The following WDR12 variants were observed in gnomAD, a reference collection of about 807,000 sequenced individuals.
WDR12 encodes the protein ribosome biogenesis protein WDR12.
WDR12 carries 42 observed loss-of-function variants against 64.3 expected under a neutral mutation model. The observed-to-expected ratio is 0.65, with a 90% CI of 0.51 to 0.84. WDR12 has a LOEUF of 0.84. Among genes scored for constraint, WDR12 ranks in the 40% least tolerant of loss-of-function variants. The pLI is 0.00. For synonymous variants in WDR12, 158 were observed against 173.3 expected, an observed-to-expected ratio of 0.91 and a Z score of 0.70; for missense variants, 469 against 494.6, an observed-to-expected ratio of 0.95 and a Z score of 0.49.
intron 6 of WDR12, 188 bp from the exon 7 acceptor site, chr2:202,894,814 A>T: frequency 2.1e-6 from 1 of 474,592 alleles, no homozygotes; most frequent in Non-Finnish European, 3.8e-6. Context: ...GGCCAAGCTT[A>T]TTGCCATGTC....
Position 202,907,997 on chromosome 2 carries a change from A to G in WDR12, c.42-38T>C, listed in dbSNP as rs148100538. ...AATGATATGTCAAGATCAAGTCTAC[A>G]GATATTTGAACAAACATGCTTTTAC... On this transcript the variant is annotated intron_variant, in intron 1 of 12. Transcript: ENST00000261015. 2.3e-4 allele frequency: 354 copies of G among 1,563,240 alleles called. No individual in the cohort carries two copies. The African/African-American group carries it at 4.5e-3, about 20-fold the overall frequency.
At chr2:202,890,399 G>C (rs1421009703) in intron 8 of WDR12, among the ~76,000 whole-genome samples, 2 of 152,232 alleles carry the variant, frequency 1.3e-5, no homozygotes, top group East Asian at 1.9e-4. Context: ...AGGCAGGCTA[G>C]AGGCAGACAT....
intron 2 of WDR12, among the ~76,000 whole-genome samples, chr2:202,905,547 C>T (rs1688441506): frequency 6.6e-6 from 1 of 152,312 alleles, no homozygotes; most frequent in African/African-American, 2.4e-5. Context: ...AGTACAACTA[C>T]TATGGAGAAC....
chr2:202,899,503 A>C (rs1688312596), intron 4 of WDR12, 28 bp downstream of exon 4: 1 of 1,593,646 alleles, frequency 6.3e-7, no homozygotes, highest in East Asian at 2.2e-5. Context: ...AAAACAAAAA[A>C]AAGAGAAGGG....
chr2:202,897,888 C>CA (rs10637220), intron 4 of WDR12, among the ~76,000 whole-genome samples: 35 of 74,182 alleles, frequency 4.7e-4, no homozygotes, highest in African/African-American at 1.7e-3. Context: ...GACTCCGTTT[C>CA]AAAAAAAAAA....
At chr2:202,899,312 G>T (rs925980758) in intron 4 of WDR12, among the ~76,000 whole-genome samples, 1 of 151,996 alleles carries the variant, frequency 6.6e-6, no homozygotes, top group Non-Finnish European at 1.5e-5. Flanking sequence ...CCAAAGTGCT[G>T]GGATTACAGG....
At chr2:202,892,547 C>T in intron 8 of WDR12, 70 bp downstream of exon 8, 1 of 1,017,190 alleles carries the variant, frequency 9.8e-7, no homozygotes, top group South Asian at 1.7e-5. Flanking sequence ...CAAAAAAGAC[C>T]ATATTAAATT....
intron 7 of WDR12, among the ~76,000 whole-genome samples, chr2:202,893,549 T>A (rs1041457780): frequency 1.3e-5 from 2 of 152,220 alleles, no homozygotes; most frequent in Admixed American, 1.3e-4. Flanking sequence ...CCCACCATCT[T>A]ACACATAATT....
intron 2 of WDR12, among the ~76,000 whole-genome samples, chr2:202,903,474 A>T (rs910049089): frequency 9.4e-6 from 1 of 106,660 alleles, no homozygotes. Flanking sequence ...GAAGGAAGGA[A>T]GGAAGGAAGG....
chr2:202,894,476 C>G, intron 7 of WDR12, 105 bp downstream of exon 7: 1 of 956,150 alleles, frequency 1.0e-6, no homozygotes, highest in Non-Finnish European at 1.5e-6. Context: ...TCTACCCTGG[C>G]TTCCTGAAGT....
Position 202,880,871 on chromosome 2 carries a change from C to G in WDR12, c.1261G>C (p.Val421Leu). 1 of 1,610,214 alleles carries G rather than the reference C, an allele frequency of 6.2e-7. No homozygotes were observed. Residue 421 changes from valine to leucine, a missense_variant, in exon 13 of 13, where the codon GTT (valine) becomes CTT (leucine). By Grantham distance (32) the Val-to-Leu change is conservative. Coordinates refer to ENST00000261015, the MANE Select transcript of WDR12 (RefSeq NM_018256.4). ...ATTATTGTTCACTTTCATGCCCCAA[C>G]ATGGGAAGTGGTAGGTGAATATCTG... ...SYRYSPTTSH[V>L]GA is the part of the protein sequence containing the mutation.
chr2:202,893,233 A>T (rs954686375), intron 7 of WDR12, among the ~76,000 whole-genome samples: 9 of 152,142 alleles, frequency 5.9e-5, no homozygotes, highest in Admixed American at 5.2e-4. Context: ...AATATGCAAC[A>T]TTAAATATGT....
chr2:202,907,676 T>C (rs988986371), intron 2 of WDR12, among the ~76,000 whole-genome samples, 189 bp downstream of exon 2: 3 of 152,326 alleles, frequency 2.0e-5, no homozygotes, highest in Middle Eastern at 3.4e-3. Context: ...CAGAAATTTT[T>C]TTCTGAAAAC....
At chr2:202,888,342 G>C (rs919572506) in intron 8 of WDR12, among the ~76,000 whole-genome samples, 1 of 152,180 alleles carries the variant, frequency 6.6e-6, no homozygotes, top group African/African-American at 2.4e-5. Flanking sequence ...TGAGTTTTCA[G>C]GAATGATGGA....
chr2:202,910,582 T>G (rs1411208247), intron 1 of WDR12, among the ~76,000 whole-genome samples: 1 of 152,224 alleles, frequency 6.6e-6, no homozygotes, highest in Non-Finnish European at 1.5e-5. Flanking sequence ...AATTTTATTT[T>G]AAGAAAAACA....
intron 6 of WDR12, among the ~76,000 whole-genome samples, chr2:202,895,713 A>G (rs1206979449): frequency 7.3e-6 from 1 of 137,106 alleles, no homozygotes; most frequent in Non-Finnish European, 1.5e-5. Context: ...TTTTTTTAGT[A>G]GAGACAGGGT....
Position 202,876,464 on chromosome 2 carries a change from G to GT in WDR12, c.*4395dup. 1 of 152,222 alleles carries GT rather than the reference G, an allele frequency of 6.6e-6. No homozygotes were observed. Among genetic ancestry groups the GT allele is most frequent in the East Asian group, 1.9e-4 (1 of 5,186 alleles). 9.4% of individuals were successfully genotyped at this position (152,222 alleles called of 1,614,324 possible). ...ATGAAGTGACTAAAATGTTCTTGCTGTTTCTACACCTGGCAGTTTCTGGCT... is the reference window on the plus strand; with the variant it reads ...ATGAAGTGACTAAAATGTTCTTGCTGTTTTCTACACCTGGCAGTTTCTGGCT... On this transcript the variant is annotated 3_prime_UTR_variant, in exon 13 of 13. Coordinates refer to ENST00000261015, the MANE Select transcript of WDR12 (RefSeq NM_018256.4).
rs753475097 is a variant in WDR12, at chr2:202,897,423, A to G, written c.339-8T>C. 15 of 1,453,040 alleles carry G rather than the reference A, an allele frequency of 1.0e-5. No homozygotes were observed. The African/African-American group carries it at 1.9e-4, about 19-fold the overall frequency. 90.0% of individuals were successfully genotyped at this position (1,453,040 alleles called of 1,614,324 possible). A position where few individuals can be genotyped will look rare whatever the true frequency, so the allele number is the denominator to read the frequency against. On this transcript the variant is annotated splice_polypyrimidine_tract_variant and splice_region_variant and intron_variant, in intron 4 of 12. Coordinates refer to ENST00000261015, the MANE Select transcript of WDR12 (RefSeq NM_018256.4). ...TAAGAACCAGTCAAGATCCTATGAGAAAAAAAAATCTTATGAAACACAAAA... is the reference window on the plus strand; with the variant it reads ...TAAGAACCAGTCAAGATCCTATGAGGAAAAAAAATCTTATGAAACACAAAA...
chr2:202,904,499 C>A (rs575349473), intron 2 of WDR12, among the ~76,000 whole-genome samples: 17 of 152,052 alleles, frequency 1.1e-4, no homozygotes, highest in Non-Finnish European at 2.5e-4. Context: ...CAGACACATA[C>A]ACCAATGGAA....
Sources: gnomAD v4.1 joint callset for allele counts (sites outside exome capture counted in the v4.1 genomes callset) on GRCh38, gnomAD v4.1.1 for gene constraint, MANE v1.5 for transcripts, NCBI Gene and HGNC (gene_info 2026-07-23, HGNC 2026-07-21) for gene names.